The following NYAP2 variants were observed in gnomAD, a reference collection of about 807,000 sequenced individuals.
The protein encoded by NYAP2 is neuronal tyrosine-phosphorylated phosphoinositide-3-kinase adaptor 2.
A neutral mutation model predicts 50.4 loss-of-function variants in NYAP2; 23 were observed. The ratio of observed to expected loss-of-function variants is 0.46; its 90% CI spans 0.33 to 0.65. The LOEUF (loss-of-function observed/expected upper bound fraction) is 0.65, where lower values mean the gene tolerates loss of function less well. Among genes scored for constraint, NYAP2 ranks in the 30% least tolerant of loss-of-function variants. The probability of loss-of-function intolerance (pLI) is 0.02; values close to 1 mark genes in which losing one functional copy is unlikely to be tolerated. For synonymous variants in NYAP2, 394 were observed against 365.2 expected (o/e 1.08, Z -0.90); for missense variants, 885 against 861.0 (o/e 1.03, Z -0.35).
intron 4 of NYAP2, among the ~76,000 whole-genome samples, chr2:225,528,370 T>C (rs1050132436): frequency 5.3e-5 from 8 of 152,188 alleles, no homozygotes; most frequent in African/African-American, 1.9e-4. Context: ...ATTTTTCTCT[T>C]TGTCTTTCCT....
intron 3 of NYAP2, among the ~76,000 whole-genome samples, chr2:225,488,314 A>C (rs982429221): frequency 6.6e-6 from 1 of 152,188 alleles, no homozygotes; most frequent in African/African-American, 2.4e-5. Context: ...CTTAAGAAAA[A>C]AGTTAGACTG....
In NYAP2 at chr2:225,471,677, A is replaced by G. The variant is rs181685449; in HGVS notation, c.222-41694A>G. The stretch of plus-strand genomic sequence containing the variant: ...CTTAGATAAAGTGCTTTATGTAGGC[A>G]TTATCTTATGTAATCTCCACGCATT... On this transcript the variant is annotated intron_variant, in intron 3 of 6. Coordinates refer to ENST00000636099, the Ensembl canonical transcript of NYAP2. Among the ~76,000 whole-genome samples the G allele has an allele frequency of 1.4e-4, 22 of 152,330 alleles. 1 individual carries two copies. The highest frequency in any genetic ancestry group is 5.3e-4 in the African/African-American group (22 of 41,580).
Position 225,486,490 on chromosome 2 carries a change from A to C in NYAP2, c.222-26881A>C, listed in dbSNP as rs1163343182. ...GTGTGAGGAGCAGGCAGGCGCAGGC[A>C]CTGAGCCTTGCCTGCTGCTGAGCTG... On this transcript the variant is annotated intron_variant, in intron 3 of 6. Transcript: ENST00000636099. Among the ~76,000 whole-genome samples, 5 of 152,302 alleles carry C rather than the reference A, an allele frequency of 3.3e-5. No individual in the cohort carries two copies. In the East Asian group the frequency reaches 9.7e-4, roughly 30 times the overall value.
chr2:225,620,911 C>G (rs150390869), intron 5 of NYAP2, among the ~76,000 whole-genome samples: 1 of 151,978 alleles, frequency 6.6e-6, no homozygotes, highest in South Asian at 2.1e-4. Context: ...GGCGGGAGAT[C>G]GAGACCATTC....
chr2:225,505,174 T>C (rs940083767), intron 3 of NYAP2, among the ~76,000 whole-genome samples: 7 of 152,078 alleles, frequency 4.6e-5, no homozygotes, highest in Non-Finnish European at 8.8e-5. Context: ...TGTGTAAAAA[T>C]CCCACTTTTA....
chr2:225,665,049 A>G, the NYAP2 span, among the ~76,000 whole-genome samples: 1 of 152,222 alleles, frequency 6.6e-6, no homozygotes, highest in Non-Finnish European at 1.5e-5. Context: ...AACAGAAGGG[A>G]TTATGAAGCC....
the NYAP2 span, chr2:225,700,775 A>C: frequency 4.0e-5 from 6 of 151,702 alleles, no homozygotes; most frequent in Admixed American, 6.6e-5. Context: ...GGGGAGATGC[A>C]AGTGTGTTTT....
intron 3 of NYAP2, among the ~76,000 whole-genome samples, chr2:225,446,216 G>GTCTGTCTGTCTCTCTC (rs1422980177): frequency 2.9e-5 from 2 of 69,670 alleles, no homozygotes; most frequent in African/African-American, 3.9e-5. Flanking sequence ...CTGTCTGTCT[G>GTCTGTCTGTCTCTCTC]TCTCTCTCTC....
the NYAP2 span, chr2:225,703,208 T>C: frequency 6.6e-6 from 1 of 151,880 alleles, no homozygotes; most frequent in East Asian, 1.9e-4. Context: ...AAAAATAATA[T>C]GTTTTTTAGT....
chr2:225,596,816 T>C (rs1399876781), intron 5 of NYAP2, among the ~76,000 whole-genome samples: 1 of 152,118 alleles, frequency 6.6e-6, no homozygotes, highest in African/African-American at 2.4e-5. Context: ...CATTACTGAT[T>C]GGGGAAAGCA....
chr2:225,623,045 A>G (rs1559233109), intron 5 of NYAP2, among the ~76,000 whole-genome samples: 1 of 152,362 alleles, frequency 6.6e-6, no homozygotes, highest in East Asian at 1.9e-4. Flanking sequence ...CCAAAAAAAT[A>G]TGTAGACTTC....
intron 4 of NYAP2, among the ~76,000 whole-genome samples, chr2:225,536,964 G>A (rs1481605445): frequency 6.6e-6 from 1 of 151,768 alleles, no homozygotes; most frequent in Non-Finnish European, 1.5e-5. Flanking sequence ...TTTTTTAGTA[G>A]AGACGAGGTT....
intron 3 of NYAP2, among the ~76,000 whole-genome samples, chr2:225,409,876 T>C (rs995177363): frequency 1.2e-4 from 18 of 152,132 alleles, no homozygotes; most frequent in Admixed American, 7.9e-4. Context: ...TTTCTTCAAA[T>C]AAAGTTCACT....
intron 6 of NYAP2, among the ~76,000 whole-genome samples, chr2:225,634,563 A>C (rs187266313): frequency 6.6e-6 from 1 of 152,340 alleles, no homozygotes; most frequent in East Asian, 1.9e-4. Context: ...AAGAAAACAA[A>C]AAAAAAGCCA....
chr2:225,678,046 G>T, the NYAP2 span, among the ~76,000 whole-genome samples: 1 of 151,964 alleles, frequency 6.6e-6, no homozygotes, highest in Non-Finnish European at 1.5e-5. Flanking sequence ...TCTGGTCCAG[G>T]TCTCTTTTTT....
chr2:225,645,682 A>G (rs1693622936), intron 6 of NYAP2, among the ~76,000 whole-genome samples: 1 of 152,188 alleles, frequency 6.6e-6, no homozygotes, highest in Non-Finnish European at 1.5e-5. Context: ...TAATCTCTCA[A>G]TTAGGATTTC....
At chr2:225,561,891 AT>A (rs200940611) in intron 4 of NYAP2, among the ~76,000 whole-genome samples, 25 of 150,430 alleles carry the variant, frequency 1.7e-4, no homozygotes, top group Middle Eastern at 3.4e-3. Flanking sequence ...GGGGCTATAT[AT>A]TTTTTTTTTC....
At chr2:225,488,002 G>C (rs1172206532) in intron 3 of NYAP2, among the ~76,000 whole-genome samples, 1 of 152,156 alleles carries the variant, frequency 6.6e-6, no homozygotes. Flanking sequence ...GCCCATCTGG[G>C]ACTAGAAAAG....
intron 4 of NYAP2, 45 bp downstream of exon 4, chr2:225,513,717 A>G (rs1174234083): frequency 5.5e-6 from 8 of 1,453,826 alleles, no homozygotes; most frequent in Non-Finnish European, 7.3e-6. Context: ...TCTTTCAGAT[A>G]GTATGTTCAG....
Sources: gnomAD v4.1 joint callset for allele counts (sites outside exome capture counted in the v4.1 genomes callset) on GRCh38, gnomAD v4.1.1 for gene constraint, MANE v1.5 for transcripts, NCBI Gene and HGNC (gene_info 2026-07-23, HGNC 2026-07-21) for gene names.